Variants in EP300 observed in about 807,000 individuals in gnomAD.
The protein encoded by EP300 is EP300 lysine acetyltransferase.
Under a neutral mutation model 264.0 loss-of-function variants are expected in EP300, and 31 were observed. The observed-to-expected ratio is 0.12, with a 90% CI of 0.09 to 0.16. The LOEUF is 0.16. Ranked by LOEUF, EP300 falls within the 10% of genes least tolerant of loss-of-function variation. The probability of loss-of-function intolerance (pLI) is 1.00; values close to 1 mark genes in which losing one functional copy is unlikely to be tolerated. For missense variants in EP300, 2,766 were observed against 3,052.9 expected (o/e 0.91, Z 2.21); for synonymous variants, 1,340 against 1,045.4 (o/e 1.28, Z -5.44).
chr22:41,163,909 T>A, intron 21 of EP300, 144 bp from the exon 22 acceptor site: 1 of 801,454 alleles, frequency 1.2e-6, no homozygotes, highest in Non-Finnish European at 2.1e-6. Flanking sequence ...ACCCTATCTC[T>A]AAAAAAATAG....
At chr22:41,119,188 T>TA (rs1317801361) in intron 2 of EP300, among the ~76,000 whole-genome samples, 3 of 143,100 alleles carry the variant, frequency 2.1e-5, no homozygotes, top group Non-Finnish European at 3.1e-5. Context: ...TTTTTTTTTT[T>TA]TTTTTTTTTT....
rs2145766658 is a variant in EP300 at position 41,170,481 on chromosome 22, C to G, written c.4362C>G (p.Asp1454Glu). 1 of 1,613,976 alleles carries G rather than the reference C, an allele frequency of 6.2e-7. No individual in the cohort carries two copies. Residue 1454 changes from aspartate to glutamate, a missense_variant, in exon 27 of 31, where the codon GAC becomes GAG. Asp to Glu is a conservative substitution (Grantham distance 45). Coordinates refer to ENST00000263253, the MANE Select transcript of EP300 (RefSeq NM_001429.4). Reference sequence around the variant, plus strand: ...ATATCTTCCATTGCCATCCTCCTGACCAGAAGATACCCAAGCCCAAGCGAC... The same window carrying G: ...ATATCTTCCATTGCCATCCTCCTGAGCAGAAGATACCCAAGCCCAAGCGAC... ...DDYIFHCHPP[D>E]QKIPKPKRLQ...
chr22:41,170,518 T>C lies in EP300; in HGVS notation c.4399T>C (p.Tyr1467His). ...CAAGCCCAAGCGACTGCAGGAATGG[T>C]ACAAAAAAATGCTTGACAAGGCTGT... ...IPKPKRLQEWYKKMLDKAVSE... is the reference protein window; with the variant it reads ...IPKPKRLQEWHKKMLDKAVSE... The change falls in exon 27 of 31, where the codon TAC (tyrosine) becomes CAC (histidine). Residue 1467 changes from tyrosine to histidine, a missense_variant. Transcript: ENST00000263253. The C allele has an allele frequency of 6.2e-7, 1 of 1,614,014 alleles. No individual in the cohort carries two copies. Among genetic ancestry groups the C allele is most frequent in the Non-Finnish European group, 8.5e-7 (1 of 1,180,002 alleles).
chr22:41,121,942 C>A (rs771847439), intron 2 of EP300, among the ~76,000 whole-genome samples: 1 of 152,072 alleles, frequency 6.6e-6, no homozygotes, highest in East Asian at 1.9e-4. Context: ...GGTTAAACAA[C>A]TCCCCCATGT....
intron 7 of EP300, 116 bp from the exon 8 acceptor site, chr22:41,137,537 C>G: frequency 1.4e-6 from 2 of 1,386,186 alleles, no homozygotes; most frequent in Non-Finnish European, 2.0e-6. Flanking sequence ...CTCCTTAATG[C>G]GAATAGAAGT....
At chr22:41,133,651 G>A (rs901482128) in intron 6 of EP300, among the ~76,000 whole-genome samples, 1 of 152,140 alleles carries the variant, frequency 6.6e-6, no homozygotes, top group African/African-American at 2.4e-5. Context: ...TATTTGGGAT[G>A]CCAACCAACC....
At chr22:41,127,124 C>G (rs1161643457) in intron 3 of EP300, among the ~76,000 whole-genome samples, 1 of 152,076 alleles carries the variant, frequency 6.6e-6, no homozygotes, top group Non-Finnish European at 1.5e-5. Flanking sequence ...CCCGAAAGAC[C>G]CCTCTGCTGA....
chr22:41,178,593 A>C lies in EP300; in HGVS notation c.6882A>C (p.Leu2294=). Residue 2294 remains leucine (L), a synonymous_variant, in exon 31 of 31, where the codon CTA becomes CTC. Coordinates refer to ENST00000263253, the MANE Select transcript of EP300 (RefSeq NM_001429.4). The part of the protein sequence containing the change: ...MLPNQAQSPH[L]QGQQIPNSLS... Reference sequence around the variant, plus strand: ...CAAATCAGGCCCAGTCCCCACACCTACAAGGCCAGCAGATCCCTAATTCTC... The same window carrying C: ...CAAATCAGGCCCAGTCCCCACACCTCCAAGGCCAGCAGATCCCTAATTCTC... 6.2e-7 allele frequency: 1 copy of C among 1,613,994 alleles called. No homozygotes were observed. Among genetic ancestry groups the C allele is most frequent in the Admixed American group, 1.7e-5 (1 of 60,018 alleles).
chr22:41,128,149 A>G (rs1277315330), intron 4 of EP300, among the ~76,000 whole-genome samples: 6 of 152,024 alleles, frequency 3.9e-5, no homozygotes, highest in East Asian at 3.9e-4. Context: ...CTGGGTGACA[A>G]TGTGAGACCA....
Position 41,173,673 on chromosome 22 carries a change from C to A in EP300, c.4668C>A (p.Thr1556=). The A allele has an allele frequency of 4.3e-6, 7 of 1,614,076 alleles. No individual in the cohort carries two copies. Among genetic ancestry groups the A allele is most frequent in the Non-Finnish European group, 5.9e-6 (7 of 1,180,008 alleles). Residue 1556 remains threonine (T), a synonymous_variant, in exon 29 of 31, where the codon ACC becomes ACA. Transcript: ENST00000263253. ...CTAAAAAGAAGAATAATAAGAAAAC[C>A]AGCAAAAATAAGAGCAGCCTGAGTA... ...KNAKKKNNKK[T]SKNKSSLSRG...
At chr22:41,175,840 T>A (rs1260050025) in intron 29 of EP300, among the ~76,000 whole-genome samples, 5 of 152,210 alleles carry the variant, frequency 3.3e-5, no homozygotes, top group Non-Finnish European at 7.3e-5. Context: ...GTTCTATTTA[T>A]AGTCAGTCTC....
At position 41,127,693 on chromosome 22, in the gene EP300, A is replaced by G. The variant is rs748993032; in HGVS notation, c.1113A>G (p.Thr371=). Reference sequence around the variant, plus strand: ...AGTGCAACCTTCCCCACTGTCGCACAATGAAGAATGTCCTAAACCACATGA... The same window carrying G: ...AGTGCAACCTTCCCCACTGTCGCACGATGAAGAATGTCCTAAACCACATGA... ...VRQCNLPHCR[T]MKNVLNHMTH... The change falls in exon 4 of 31, where the codon ACA becomes ACG. Residue 371 remains threonine, a synonymous_variant. Coordinates refer to ENST00000263253, the MANE Select transcript of EP300 (RefSeq NM_001429.4). 2.4e-5 allele frequency: 38 copies of G among 1,614,136 alleles called. 1 individual carries two copies. The South Asian group carries it at 4.0e-4, about 17-fold the overall frequency.
At chr22:41,153,874 AC>A (rs1475039196) in intron 16 of EP300, among the ~76,000 whole-genome samples, 4 of 151,996 alleles carry the variant, frequency 2.6e-5, no homozygotes, top group African/African-American at 9.7e-5. Flanking sequence ...CTCCATGGCA[AC>A]CCCCCAGAGG....
At position 41,117,557 on chromosome 22, in the gene EP300, C is replaced by T. The variant is rs781730856; in HGVS notation, c.465C>T (p.Asn155=). 6.2e-7 allele frequency: 1 copy of T among 1,614,232 alleles called. No individual in the cohort carries two copies. The highest frequency in any genetic ancestry group is 8.5e-7 in the Non-Finnish European group (1 of 1,180,050). ...CTACGCAGTCAACAGGTATGATGAACAGTCCAGTAAATCAGCCTGCCATGG... is the reference window on the plus strand; with the variant it reads ...CTACGCAGTCAACAGGTATGATGAATAGTCCAGTAAATCAGCCTGCCATGG... ...QGPTQSTGMM[N]SPVNQPAMGM... The change falls in exon 2 of 31, where the codon AAC becomes AAT. Residue 155 remains asparagine (N), a synonymous_variant. Coordinates refer to ENST00000263253, the MANE Select transcript of EP300 (RefSeq NM_001429.4).
intron 1 of EP300, among the ~76,000 whole-genome samples, chr22:41,100,324 G>A (rs1014467842): frequency 2.0e-5 from 3 of 150,038 alleles, no homozygotes; most frequent in Non-Finnish European, 3.0e-5. Context: ...AAAATGAAAC[G>A]GGGTAAGGAT....
Position 41,177,221 on chromosome 22 carries a change from G to A in EP300, c.5510G>A (p.Arg1837Gln), listed in dbSNP as rs755471385. 1.7e-5 allele frequency: 27 copies of A among 1,613,944 alleles called. No homozygotes were observed. Among genetic ancestry groups the A allele is most frequent in the South Asian group, 2.2e-5 (2 of 91,080 alleles). ...MLRRRMASMQRTGVVGQQQGL... is the reference protein window; with the variant it reads ...MLRRRMASMQQTGVVGQQQGL... ...CGCAGGAGGATGGCCAGCATGCAGC[G>A]GACTGGTGTGGTTGGGCAGCAACAG... is the stretch of plus-strand genomic sequence containing the variant. The change falls in exon 31 of 31, where the codon CGG (arginine) becomes CAG (glutamine). Residue 1837 changes from arginine (R) to glutamine (Q), a missense_variant. Coordinates refer to ENST00000263253, the MANE Select transcript of EP300 (RefSeq NM_001429.4).
intron 1 of EP300, 34 bp downstream of exon 1, chr22:41,093,132 C>T (rs1260518422): frequency 2.5e-6 from 4 of 1,602,956 alleles, no homozygotes; most frequent in East Asian, 2.2e-5. Flanking sequence ...TCCACGTTCC[C>T]TTTAATCTTT....
chr22:41,107,092 C>T lies in EP300; in HGVS notation c.95-10095C>T, dbSNP rs542615072. On this transcript the variant is annotated intron_variant, in intron 1 of 30. Coordinates refer to ENST00000263253, the MANE Select transcript of EP300 (RefSeq NM_001429.4). ...CGGCTCATTTTTGTATTTTTAGTAG[C>T]GATGGGGTTTCACCATGTTGGCCAG... Among the ~76,000 whole-genome samples, 10 of 151,714 alleles carry T rather than the reference C, an allele frequency of 6.6e-5. No individual in the cohort carries two copies. The East Asian group carries it at 1.2e-3, about 18-fold the overall frequency.
At position 41,106,712 on chromosome 22, in the gene EP300, C is replaced by T. The variant is rs189803520; in HGVS notation, c.95-10475C>T. 8.5e-5 allele frequency among the ~76,000 whole-genome samples: 13 copies of T among 152,208 alleles called. No homozygotes were observed. The East Asian group carries it at 2.5e-3, about 29-fold the overall frequency. ...CTCACGGCAGCCTCGACCTCCTGGG[C>T]TAAATGATCCTCCCACCTCAGCCTG... On this transcript the variant is annotated intron_variant, in intron 1 of 30. Coordinates refer to ENST00000263253, the MANE Select transcript of EP300 (RefSeq NM_001429.4).
Sources: allele counts gnomAD v4.1 joint callset (sites outside exome capture counted in the v4.1 genomes callset), GRCh38; gene constraint gnomAD v4.1.1; transcripts MANE v1.5; gene names NCBI Gene and HGNC (gene_info 2026-07-23, HGNC 2026-07-21).